The following SPTLC3 variants were observed in gnomAD, a reference collection of about 807,000 sequenced individuals.
The protein encoded by SPTLC3 is serine palmitoyltransferase 3.
SPTLC3 carries 36 observed loss-of-function variants against 59.3 expected under a neutral mutation model. The observed-to-expected ratio is 0.61, with a 90% CI of 0.47 to 0.80. The LOEUF (loss-of-function observed/expected upper bound fraction) is 0.80. Among genes scored for constraint, SPTLC3 ranks in the 30% least tolerant of loss-of-function variants. The pLI is 0.00. For synonymous variants in SPTLC3, 257 were observed against 240.8 expected (o/e 1.07, Z -0.62); for missense variants, 625 against 685.1 (o/e 0.91, Z 0.98).
intron 9 of SPTLC3, among the ~76,000 whole-genome samples, chr20:13,128,948 C>T (rs2038057528): frequency 6.7e-6 from 1 of 150,216 alleles, no homozygotes; most frequent in African/African-American, 2.5e-5. Flanking sequence ...GCGATCTCAG[C>T]TCACTGCAAC....
intron 2 of SPTLC3, among the ~76,000 whole-genome samples, chr20:13,053,356 C>T (rs1159356598): frequency 1.3e-5 from 2 of 152,024 alleles, no homozygotes; most frequent in South Asian, 4.1e-4. Context: ...TCAACATCAA[C>T]AAAAAGGACG....
chr20:13,133,618 C>T (rs1707812106), intron 9 of SPTLC3, among the ~76,000 whole-genome samples: 1 of 152,120 alleles, frequency 6.6e-6, no homozygotes, highest in African/African-American at 2.4e-5. Flanking sequence ...CCTGTAATCC[C>T]AGCTACTCTG....
intron 8 of SPTLC3, among the ~76,000 whole-genome samples, chr20:13,121,741 G>A (rs560611377): frequency 9.9e-5 from 15 of 152,222 alleles, no homozygotes; most frequent in Admixed American, 4.6e-4. Flanking sequence ...TACTCAAAGA[G>A]CTCCATTTTT....
chr20:13,009,186 C>T lies in SPTLC3; in HGVS notation c.-82C>T, dbSNP rs1302801222. ...AGGGCTCAGCCCCAAAGAGCTTTAT[C>T]CCATCCCCTCGCAGACTGAAAACTA... On this transcript the variant is annotated 5_prime_UTR_variant, in exon 1 of 12. Coordinates refer to ENST00000399002, the MANE Select transcript of SPTLC3 (RefSeq NM_018327.4). The T allele has an allele frequency of 3.7e-6, 4 of 1,095,220 alleles. No individual in the cohort carries two copies. Among genetic ancestry groups the T allele is most frequent in the Non-Finnish European group, 5.5e-6 (4 of 727,128 alleles). 67.8% of individuals were successfully genotyped at this position (1,095,220 alleles called of 1,614,324 possible). A position where few individuals can be genotyped will look rare whatever the true frequency, so the allele number is the denominator to read the frequency against.
At chr20:13,088,789 T>TTTC (rs1301196488) in intron 4 of SPTLC3, among the ~76,000 whole-genome samples, 1 of 148,216 alleles carries the variant, frequency 6.7e-6, no homozygotes, top group African/African-American at 2.5e-5. Context: ...CGGCTATTTT[T>TTTC]TTTTTTTTTT....
intron 2 of SPTLC3, chr20:13,050,096 T>C (rs4340601): frequency 0.12 from 18,822 of 152,060 alleles, 1,241 homozygotes; most frequent in Middle Eastern, 0.21. Context: ...AATCCCTGAT[T>C]TACCTGAAAA....
At chr20:13,148,892 A>C (rs1303329467) in intron 9 of SPTLC3, among the ~76,000 whole-genome samples, 1 of 152,160 alleles carries the variant, frequency 6.6e-6, no homozygotes, top group African/African-American at 2.4e-5. Context: ...CCTTTCAACG[A>C]CCTACTAAAT....
chr20:13,154,020 CA>C lies in SPTLC3; in HGVS notation c.1299del (p.Gln433HisfsTer39), dbSNP rs2038710795. 2 of 1,613,958 alleles carry C rather than the reference CA, an allele frequency of 1.2e-6. No homozygotes were observed. Among genetic ancestry groups the C allele is most frequent in the South Asian group, 2.2e-5 (2 of 91,076 alleles). On this transcript the variant is annotated frameshift_variant, in exon 10 of 12. Coordinates refer to ENST00000399002, the MANE Select transcript of SPTLC3 (RefSeq NM_018327.4). LOFTEE classifies it high-confidence loss of function. ...GTTQGLQRVQ[Q>X]LAKNTRYFRQ... Reference sequence around the variant, plus strand: ...CTTTTCAGGGCTGCAGAGAGTACAGCAACTTGCGAAAAACACAAGATACTTC... The same window carrying C: ...CTTTTCAGGGCTGCAGAGAGTACAGCACTTGCGAAAAACACAAGATACTTC...
intron 3 of SPTLC3, chr20:13,073,801 T>G: frequency 1.7e-6 from 1 of 599,230 alleles, no homozygotes; most frequent in Non-Finnish European, 3.3e-6. Context: ...CCTGGAGCTG[T>G]GATTAAAGTT....
intron 9 of SPTLC3, among the ~76,000 whole-genome samples, chr20:13,143,899 G>T (rs1421644561): frequency 6.6e-6 from 1 of 152,116 alleles, no homozygotes; most frequent in African/African-American, 2.4e-5. Flanking sequence ...TCAGACATTT[G>T]CTGCCACCTT....
chr20:13,074,690 C>G (rs913680357), intron 4 of SPTLC3, among the ~76,000 whole-genome samples, 193 bp downstream of exon 4: 27 of 152,174 alleles, frequency 1.8e-4, no homozygotes, highest in Non-Finnish European at 3.4e-4. Flanking sequence ...TTGCATGTTT[C>G]AATTCTCCAG....
chr20:13,078,335 A>T (rs981264452), intron 4 of SPTLC3, among the ~76,000 whole-genome samples: 4 of 151,134 alleles, frequency 2.6e-5, no homozygotes, highest in African/African-American at 7.3e-5. Flanking sequence ...CAATAAGGAG[A>T]TAATTTAAAA....
chr20:13,050,977 C>T (rs938557173), intron 2 of SPTLC3: 6 of 152,056 alleles, frequency 3.9e-5, no homozygotes, highest in Admixed American at 2.6e-4. Context: ...GCATAAATCA[C>T]GTGGGACCTA....
chr20:13,019,099 C>T (rs1460663523), intron 1 of SPTLC3, among the ~76,000 whole-genome samples: 3 of 152,104 alleles, frequency 2.0e-5, no homozygotes, highest in Non-Finnish European at 4.4e-5. Context: ...TTTCAGATTG[C>T]AAATGCCTAG....
intron 6 of SPTLC3, among the ~76,000 whole-genome samples, chr20:13,102,910 C>T (rs1452877294): frequency 6.6e-6 from 1 of 152,158 alleles, no homozygotes; most frequent in Non-Finnish European, 1.5e-5. Context: ...GCTGCAATTA[C>T]CCCCTCCCCC....
chr20:13,053,882 G>A (rs1987606056), intron 2 of SPTLC3, among the ~76,000 whole-genome samples: 1 of 152,072 alleles, frequency 6.6e-6, no homozygotes, highest in Non-Finnish European at 1.5e-5. Context: ...AAGAAATATG[G>A]GACTATGTGA....
chr20:13,033,411 G>T (rs1258944587), intron 1 of SPTLC3, among the ~76,000 whole-genome samples: 2 of 152,152 alleles, frequency 1.3e-5, no homozygotes, highest in African/African-American at 4.8e-5. Flanking sequence ...AAAGGTTCTG[G>T]AATCTTTAAT....
chr20:13,124,360 A>G (rs1004659542), intron 8 of SPTLC3, among the ~76,000 whole-genome samples: 1 of 151,812 alleles, frequency 6.6e-6, no homozygotes, highest in Non-Finnish European at 1.5e-5. Flanking sequence ...GGAGGAAGGG[A>G]AGAAGGGAGG....
chr20:13,049,160 T>C, intron 2 of SPTLC3, 30 bp downstream of exon 2: 3 of 1,605,814 alleles, frequency 1.9e-6, no homozygotes. Context: ...TGGATCTTTG[T>C]CAATGCCTAC....
Sources: allele counts gnomAD v4.1 joint callset (sites outside exome capture counted in the v4.1 genomes callset), GRCh38; gene constraint gnomAD v4.1.1; transcripts MANE v1.5; gene names NCBI Gene and HGNC (gene_info 2026-07-23, HGNC 2026-07-21).